The following CTSC variants were observed in gnomAD, a reference collection of about 807,000 sequenced individuals.
The protein encoded by CTSC is cathepsin C.
Under a neutral mutation model 40.9 loss-of-function variants are expected in CTSC, and 37 were observed. The observed-to-expected ratio is 0.91, with a 90% CI of 0.70 to 1.19. The LOEUF (loss-of-function observed/expected upper bound fraction) is 1.19, where lower values mean the gene tolerates loss of function less well. Ranked by LOEUF, CTSC falls within the 50% of genes most tolerant of loss-of-function variation. CTSC has a pLI of 0.00. For synonymous variants in CTSC, 232 were observed against 207.4 expected, an observed-to-expected ratio of 1.12 and a Z score of -1.02; for missense variants, 594 against 567.3, an observed-to-expected ratio of 1.05 and a Z score of -0.48.
At chr11:88,312,760 A>G (rs544347893) in intron 2 of CTSC, among the ~76,000 whole-genome samples, 1 of 152,360 alleles carries the variant, frequency 6.6e-6, no homozygotes, top group East Asian at 1.9e-4. Flanking sequence ...CAAAATGTAT[A>G]TAACAAAACA....
intron 4 of CTSC, among the ~76,000 whole-genome samples, chr11:88,306,960 C>T (rs1042938622): frequency 3.9e-5 from 6 of 152,204 alleles, no homozygotes; most frequent in African/African-American, 1.2e-4. Context: ...CTGCACCTGC[C>T]CCTCTGCATG....
At chr11:88,300,696 A>G in intron 4 of CTSC, 51 bp from the exon 5 acceptor site, 1 of 1,146,144 alleles carries the variant, frequency 8.7e-7, no homozygotes, top group Non-Finnish European at 1.3e-6. Context: ...TCCTTTGAGG[A>G]TGATTTCCTA....
At chr11:88,330,363 T>A (rs184873197) in intron 2 of CTSC, among the ~76,000 whole-genome samples, 21 of 152,076 alleles carry the variant, frequency 1.4e-4, no homozygotes, top group East Asian at 1.9e-4. Flanking sequence ...CTTTCATTTT[T>A]TTATTATTAT....
At chr11:88,299,825 T>C (rs895542231) in intron 5 of CTSC, 9 of 152,260 alleles carry the variant, frequency 5.9e-5, no homozygotes, top group Non-Finnish European at 1.0e-4. Flanking sequence ...CTCCAAGTCA[T>C]TGTTGGCTAC....
chr11:88,328,257 A>G, intron 2 of CTSC: 1 of 1,201,080 alleles, frequency 8.3e-7, no homozygotes, highest in Non-Finnish European at 1.2e-6. Context: ...TCATCATGAA[A>G]GAAGACATAA....
chr11:88,312,461 T>C lies in CTSC; in HGVS notation c.412A>G (p.Thr138Ala). 6.2e-7 allele frequency: 1 copy of C among 1,614,168 alleles called. No homozygotes were observed. Among genetic ancestry groups the C allele is most frequent in the Non-Finnish European group, 8.5e-7 (1 of 1,180,040 alleles). ...GAGGCAGTTCCCACCTTCTTTCCGG[T>C]GAAACAAGCCCAGTTCCGGCCCAAC... Reference protein sequence around the residue: ...DVLGRNWACFTGKKVGTASEN... With the variant: ...DVLGRNWACFAGKKVGTASEN... Residue 138 changes from threonine to alanine, a missense_variant, in exon 3 of 7, where the codon ACC becomes GCC. By Grantham distance (58) the Thr-to-Ala change is moderately conservative. Coordinates refer to ENST00000227266, the MANE Select transcript of CTSC (RefSeq NM_001814.6).
intron 4 of CTSC, among the ~76,000 whole-genome samples, chr11:88,306,644 T>C (rs1388281691): frequency 6.6e-6 from 1 of 152,076 alleles, no homozygotes; most frequent in Non-Finnish European, 1.5e-5. Context: ...CCATCCTCCT[T>C]CTCTGGCTGA....
chr11:88,320,876 G>A (rs1435896621), intron 2 of CTSC: 1 of 837,276 alleles, frequency 1.2e-6, no homozygotes, highest in Non-Finnish European at 1.4e-6. Flanking sequence ...CATATATCGT[G>A]TAATACATAG....
intron 2 of CTSC, among the ~76,000 whole-genome samples, chr11:88,313,319 C>T (rs911243529): frequency 2.6e-5 from 4 of 152,174 alleles, no homozygotes; most frequent in African/African-American, 9.7e-5. Flanking sequence ...CCACCCACCT[C>T]GGCCTCCCAA....
chr11:88,302,683 CAA>C (rs1944381227), intron 4 of CTSC, among the ~76,000 whole-genome samples: 1 of 124,028 alleles, frequency 8.1e-6, no homozygotes, highest in South Asian at 2.6e-4. Flanking sequence ...TGAGATGAAA[CAA>C]AGAGAAAAAC....
intron 4 of CTSC, among the ~76,000 whole-genome samples, chr11:88,304,367 A>C (rs866196640): frequency 3.9e-5 from 6 of 152,254 alleles, no homozygotes; most frequent in African/African-American, 1.4e-4. Flanking sequence ...TAACAGGACT[A>C]AATAAGATGC....
In CTSC at chr11:88,325,756, G is replaced by C. The variant is rs1981401; in HGVS notation, c.318+9181C>G. The C allele has an allele frequency of 1.6e-4, 161 of 985,264 alleles. 1 individual carries two copies. The African/African-American group carries it at 2.1e-3, about 13-fold the overall frequency. 61.0% of individuals were successfully genotyped at this position (985,264 alleles called of 1,614,324 possible). On this transcript the variant is annotated intron_variant, in intron 2 of 6. Coordinates refer to ENST00000227266, the MANE Select transcript of CTSC (RefSeq NM_001814.6). The stretch of plus-strand genomic sequence containing the variant: ...ATCTTTCTGGCCAGAGGTACTGGAG[G>C]TCTATAATCTGTAGAAGTATACTAT...
At position 88,296,226 on chromosome 11, in the gene CTSC, T is replaced by C. The variant is rs1163198991; in HGVS notation, c.796A>G (p.Met266Val). ...AGTATACGGATTCTCGCTTCTAGCA[T>C]ACCCATAGAAGCAAATGAGTAGCAG... ...GSCYSFASMG[M>V]LEARIRILTN... The change falls in exon 6 of 7, where the codon ATG (methionine) becomes GTG (valine). Residue 266 changes from methionine to valine, a missense_variant. Physicochemically the swap from Met to Val is conservative, Grantham distance 21 (BLOSUM62 1). Coordinates refer to ENST00000227266, the MANE Select transcript of CTSC (RefSeq NM_001814.6). 10 of 1,613,902 alleles carry C rather than the reference T, an allele frequency of 6.2e-6. No homozygotes were observed. The highest frequency in any genetic ancestry group is 2.2e-5 in the South Asian group (2 of 91,078).
rs757635130 is a variant in CTSC, at chr11:88,334,927, C to A, written c.318+10G>T. 6.2e-7 allele frequency: 1 copy of A among 1,602,518 alleles called. No individual in the cohort carries two copies. Among genetic ancestry groups the A allele is most frequent in the South Asian group, 1.1e-5 (1 of 90,846 alleles). On this transcript the variant is annotated intron_variant, in intron 2 of 6. Transcript: ENST00000227266. ...TTGAAAATGTAAATCCAACTTCCAA[C>A]AAAACTAACCTTAAAAAAGGCAAAC...
chr11:88,320,922 G>A, intron 2 of CTSC: 11 of 950,972 alleles, frequency 1.2e-5, no homozygotes, highest in Non-Finnish European at 1.4e-5. Context: ...GTTGATCCTT[G>A]CCCTAATGAA....
intron 4 of CTSC, among the ~76,000 whole-genome samples, chr11:88,307,088 G>A (rs1937649685): frequency 6.6e-6 from 1 of 152,214 alleles, no homozygotes; most frequent in African/African-American, 2.4e-5. Flanking sequence ...TGTTTTAGTT[G>A]AGTAATTATT....
intron 2 of CTSC, among the ~76,000 whole-genome samples, chr11:88,319,242 T>TA (rs1340835422): frequency 6.6e-6 from 1 of 152,190 alleles, no homozygotes; most frequent in Non-Finnish European, 1.5e-5. Context: ...ATAATTACCC[T>TA]ATTCTGACTT....
At chr11:88,326,468 T>C (rs1938191137) in intron 2 of CTSC, 1 of 1,471,198 alleles carries the variant, frequency 6.8e-7, no homozygotes, top group Non-Finnish European at 9.5e-7. Context: ...AAACTAGGGT[T>C]ACAAGCCAAC....
chr11:88,301,645 C>G (rs1032222785), intron 4 of CTSC, among the ~76,000 whole-genome samples: 2 of 152,080 alleles, frequency 1.3e-5, no homozygotes, highest in Non-Finnish European at 2.9e-5. Context: ...ATTATAGAAC[C>G]ACACCTTATA....
Sources: gnomAD v4.1 joint callset for allele counts (sites outside exome capture counted in the v4.1 genomes callset) on GRCh38, gnomAD v4.1.1 for gene constraint, MANE v1.5 for transcripts, NCBI Gene and HGNC (gene_info 2026-07-23, HGNC 2026-07-21) for gene names.